Variants in INSYN2A observed in about 807,000 individuals in gnomAD.
INSYN2A encodes the protein inhibitory synaptic factor 2A.
INSYN2A carries 17 observed loss-of-function variants against 39.4 expected under a neutral mutation model. The observed-to-expected ratio is 0.43, with a 90% CI of 0.30 to 0.65. The LOEUF (loss-of-function observed/expected upper bound fraction) is 0.65, where lower values mean the gene tolerates loss of function less well. Ranked by LOEUF, INSYN2A falls within the 30% of genes least tolerant of loss-of-function variation. INSYN2A has a pLI of 0.14. For synonymous variants in INSYN2A, 255 were observed against 265.7 expected (o/e 0.96, Z 0.39); for missense variants, 595 against 631.2 (o/e 0.94, Z 0.61).
chr10:127,153,722 T>G (rs1441234419), intron 5 of INSYN2A, 130 bp downstream of exon 5: 2 of 688,900 alleles, frequency 2.9e-6, no homozygotes, highest in African/African-American at 3.6e-5. Context: ...AGAATTACAG[T>G]CAAGTAAGGT....
chr10:127,142,813 T>G (rs2051398094), intron 5 of INSYN2A, among the ~76,000 whole-genome samples: 1 of 152,230 alleles, frequency 6.6e-6, no homozygotes, highest in South Asian at 2.1e-4. Context: ...GATGCATGAT[T>G]AAAGCAACTG....
At chr10:127,165,397 T>C (rs922598893) in intron 4 of INSYN2A, among the ~76,000 whole-genome samples, 2 of 152,238 alleles carry the variant, frequency 1.3e-5, no homozygotes, top group African/African-American at 4.8e-5. Flanking sequence ...TGATCATTTA[T>C]AAATTTCTTG....
intron 4 of INSYN2A, among the ~76,000 whole-genome samples, chr10:127,167,259 T>G (rs533920998): frequency 6.6e-6 from 1 of 152,288 alleles, no homozygotes; most frequent in South Asian, 2.1e-4. Flanking sequence ...ATAACTTATA[T>G]TTGGGGTTTC....
rs1032829168 is a variant in INSYN2A, at chr10:127,162,549, T to C, written c.1185-8626A>G. ...TTCTCTTTACCTTACTTTTTTTCCA[T>C]GGTAGGGCAAAGTTCTCAGAATCAC... On this transcript the variant is annotated intron_variant, in intron 4 of 5. Coordinates refer to ENST00000522781, the MANE Select transcript of INSYN2A (RefSeq NM_001039762.3). Among the ~76,000 whole-genome samples, 13 of 152,304 alleles carry C rather than the reference T, an allele frequency of 8.5e-5. No homozygotes were observed. The East Asian group carries it at 1.4e-3, about 16-fold the overall frequency.
intron 5 of INSYN2A, among the ~76,000 whole-genome samples, chr10:127,141,233 C>T (rs913031043): frequency 5.3e-5 from 8 of 152,204 alleles, no homozygotes; most frequent in South Asian, 2.1e-4. Flanking sequence ...GATAATTATT[C>T]GTTCCCATAT....
intron 2 of INSYN2A, among the ~76,000 whole-genome samples, chr10:127,186,216 G>A (rs1245608156): frequency 6.6e-6 from 1 of 152,196 alleles, no homozygotes; most frequent in East Asian, 1.9e-4. Context: ...AGAAATGCCT[G>A]AGACTGGGTT....
intron 5 of INSYN2A, among the ~76,000 whole-genome samples, chr10:127,151,694 C>T (rs1374571874): frequency 2.0e-5 from 3 of 152,172 alleles, no homozygotes; most frequent in Non-Finnish European, 4.4e-5. Context: ...TTTCCCTGCT[C>T]GTATGAGATA....
chr10:127,154,024 A>G, intron 4 of INSYN2A, 101 bp from the exon 5 acceptor site: 1 of 797,658 alleles, frequency 1.3e-6, no homozygotes. Flanking sequence ...TGCCAAGCTC[A>G]TCATGGTCAT....
chr10:127,157,283 T>C (rs1375106923), intron 4 of INSYN2A, among the ~76,000 whole-genome samples: 1 of 152,150 alleles, frequency 6.6e-6, no homozygotes, highest in Non-Finnish European at 1.5e-5. Flanking sequence ...CGTGTTAACA[T>C]CCTGCAGTGG....
At chr10:127,155,747 C>T (rs1043782872) in intron 4 of INSYN2A, among the ~76,000 whole-genome samples, 4 of 152,178 alleles carry the variant, frequency 2.6e-5, no homozygotes, top group African/African-American at 9.7e-5. Flanking sequence ...TCTCTCTTGC[C>T]CTATATAGAC....
intron 4 of INSYN2A, among the ~76,000 whole-genome samples, chr10:127,168,709 A>G (rs1440364123): frequency 6.6e-6 from 1 of 152,144 alleles, no homozygotes; most frequent in Non-Finnish European, 1.5e-5. Flanking sequence ...GGATGGGATC[A>G]CCTCACTGTG....
chr10:127,144,589 T>C (rs1028393744), intron 5 of INSYN2A, among the ~76,000 whole-genome samples: 1 of 152,220 alleles, frequency 6.6e-6, no homozygotes, highest in African/African-American at 2.4e-5. Context: ...TATTTTCTGT[T>C]TTCATTTAAA....
chr10:127,189,838 A>T (rs2056582918), intron 2 of INSYN2A, among the ~76,000 whole-genome samples: 1 of 152,226 alleles, frequency 6.6e-6, no homozygotes, highest in South Asian at 2.1e-4. Context: ...AGACAAAAAT[A>T]ATCTTTATGC....
chr10:127,141,888 C>T (rs956073674), intron 5 of INSYN2A, among the ~76,000 whole-genome samples: 6 of 152,258 alleles, frequency 3.9e-5, no homozygotes, highest in Non-Finnish European at 8.8e-5. Context: ...CAGAACTTAT[C>T]GAAGATCCTG....
At chr10:127,171,893 C>T (rs1018032109) in intron 4 of INSYN2A, among the ~76,000 whole-genome samples, 2 of 152,110 alleles carry the variant, frequency 1.3e-5, no homozygotes, top group East Asian at 1.9e-4. Context: ...TTAGTAGAGA[C>T]GGGATTTCAC....
At chr10:127,167,700 C>T (rs2054203892) in intron 4 of INSYN2A, among the ~76,000 whole-genome samples, 1 of 152,074 alleles carries the variant, frequency 6.6e-6, no homozygotes, top group Non-Finnish European at 1.5e-5. Context: ...AAATCCAGGT[C>T]TCCTGACGCT....
At position 127,176,504 on chromosome 10, in the gene INSYN2A, T is replaced by A. The variant is rs2055176336; in HGVS notation, c.-5-104A>T. 2.1e-6 allele frequency: 2 copies of A among 958,276 alleles called. No homozygotes were observed. Among genetic ancestry groups the A allele is most frequent in the Admixed American group, 2.6e-5 (1 of 39,096 alleles). 59.4% of individuals were successfully genotyped at this position (958,276 alleles called of 1,614,324 possible). On this transcript the variant is annotated intron_variant, in intron 3 of 5. Transcript: ENST00000522781. This position sits in a 1 kb window ranked among gnomAD's most constrained non-coding sequence, Gnocchi z 4.4. The stretch of plus-strand genomic sequence containing the variant: ...ACCACGACGACTGCCTGTTTCCTAA[T>A]TATATTTAAGCAGGTGAGGTCGGCC...
At chr10:127,166,267 G>A (rs540666411) in intron 4 of INSYN2A, among the ~76,000 whole-genome samples, 5 of 152,112 alleles carry the variant, frequency 3.3e-5, no homozygotes, top group South Asian at 2.1e-4. Context: ...GGGTTTCACC[G>A]TGTTAGGCAG....
chr10:127,172,466 A>G (rs1246790379), intron 4 of INSYN2A, among the ~76,000 whole-genome samples: 1 of 152,184 alleles, frequency 6.6e-6, no homozygotes, highest in East Asian at 1.9e-4. Context: ...CTTGCATCTT[A>G]TCTGCCTGTC....
Sources: allele counts gnomAD v4.1 joint callset (sites outside exome capture counted in the v4.1 genomes callset), GRCh38; gene constraint gnomAD v4.1.1; non-coding constraint Gnocchi (gnomAD v3.1); transcripts MANE v1.5; gene names NCBI Gene and HGNC (gene_info 2026-07-23, HGNC 2026-07-21).